Variants in ATIC observed in about 807,000 individuals in gnomAD.
The protein encoded by ATIC is bifunctional purine biosynthesis protein ATIC.
ATIC carries 64 observed loss-of-function variants against 72.5 expected under a neutral mutation model. The observed-to-expected ratio is 0.88, with a 90% CI of 0.72 to 1.09. The LOEUF is 1.09. Among genes scored for constraint, ATIC ranks in the 50% least tolerant of loss-of-function variants. ATIC has a pLI of 0.00. For synonymous variants in ATIC, 281 were observed against 267.1 expected (o/e 1.05, Z -0.51); for missense variants, 787 against 732.4 (o/e 1.07, Z -0.86).
the ATIC span, chr2:215,365,830 A>C: frequency 4.0e-6 from 1 of 253,016 alleles, no homozygotes; most frequent in East Asian, 8.8e-5. Flanking sequence ...TTTTGAGACA[A>C]AGTCTTTCTC....
At chr2:215,343,307 T>C (rs2053039437) in intron 12 of ATIC, among the ~76,000 whole-genome samples, 1 of 152,178 alleles carries the variant, frequency 6.6e-6, no homozygotes, top group Non-Finnish European at 1.5e-5. Flanking sequence ...CTTTTGCCCA[T>C]TTTCTAATTA....
At chr2:215,314,824 C>T (rs905247824) in intron 2 of ATIC, among the ~76,000 whole-genome samples, 5 of 152,114 alleles carry the variant, frequency 3.3e-5, no homozygotes, top group African/African-American at 9.7e-5. Context: ...AGGTGTGATC[C>T]TTTGCTCTCC....
chr2:215,312,177 A>G lies in ATIC; in HGVS notation c.19+16A>G. 1 of 1,502,462 alleles carries G rather than the reference A, an allele frequency of 6.7e-7. No homozygotes were observed. The highest frequency in any genetic ancestry group is 2.1e-5 in the Admixed American group (1 of 46,932). The allele number at this position is 1,502,462 out of a possible 1,614,324, so 93.1% of individuals were successfully genotyped here. A position where few individuals can be genotyped will look rare whatever the true frequency, so the allele number is the denominator to read the frequency against. On this transcript the variant is annotated intron_variant, in intron 1 of 15. Coordinates refer to ENST00000236959, the MANE Select transcript of ATIC (RefSeq NM_004044.7). ...GGCCAGCTCGGTGAGGCCCTAGCGG[A>G]GCGGCGCGGTCTGCGTCCTCGCCTG... is the stretch of plus-strand genomic sequence containing the variant.
In ATIC at chr2:215,345,203, G is replaced by T. The variant is rs188024065; in HGVS notation, c.1320+332G>T. Reference sequence around the variant, plus strand: ...CATTGGTATTATTTCCAGGGAAGAGGAGGTAAGTTACGGTACTGCCACCCA... The same window carrying T: ...CATTGGTATTATTTCCAGGGAAGAGTAGGTAAGTTACGGTACTGCCACCCA... On this transcript the variant is annotated intron_variant, in intron 13 of 15. Coordinates refer to ENST00000236959, the MANE Select transcript of ATIC (RefSeq NM_004044.7). The T allele has an allele frequency of 1.5e-3, 575 of 372,038 alleles. 2 individuals carry two copies. The highest frequency in any genetic ancestry group is 0.012 in the South Asian group (506 of 42,954). The allele number at this position is 372,038 out of a possible 1,614,324, so 23.0% of individuals were successfully genotyped here.
intron 4 of ATIC, among the ~76,000 whole-genome samples, chr2:215,322,868 G>A (rs999760650): frequency 2.0e-5 from 3 of 152,114 alleles, no homozygotes; most frequent in African/African-American, 7.2e-5. Flanking sequence ...TATTACTATA[G>A]GCTGGTAACA....
downstream of ATIC, among the ~76,000 whole-genome samples, chr2:215,354,284 C>G (rs1434301717): frequency 6.6e-6 from 1 of 152,168 alleles, no homozygotes; most frequent in African/African-American, 2.4e-5. Flanking sequence ...CCCGCCTCAG[C>G]CTCCCAAAGT....
chr2:215,349,390 G>T, intron 15 of ATIC, 141 bp downstream of exon 15: 1 of 1,555,084 alleles, frequency 6.4e-7, no homozygotes, highest in Non-Finnish European at 8.8e-7. Flanking sequence ...CTTCTCCATT[G>T]GGTGGATGGA....
chr2:215,356,861 G>T, the ATIC span, among the ~76,000 whole-genome samples: 53 of 152,268 alleles, frequency 3.5e-4, 1 homozygote, highest in South Asian at 0.01. Context: ...TTGTTTCCGT[G>T]TTTGGCTACT....
chr2:215,361,949 T>C, the ATIC span: 5 of 1,611,964 alleles, frequency 3.1e-6, no homozygotes, highest in South Asian at 3.3e-5. Context: ...GGAACACACT[T>C]GTGCTGCTAA....
chr2:215,345,522 G>C (rs1044969787), intron 13 of ATIC: 1 of 156,596 alleles, frequency 6.4e-6, no homozygotes, highest in African/African-American at 2.4e-5. Flanking sequence ...CCGAGCCTCA[G>C]AATACAAGAT....
chr2:215,326,036 A>G lies in ATIC; in HGVS notation c.429A>G (p.Thr143=). Residue 143 remains threonine (T), a synonymous_variant, in exon 6 of 16, where the codon ACA becomes ACG. Coordinates refer to ENST00000236959, the MANE Select transcript of ATIC (RefSeq NM_004044.7). ...CAGCCAAAAACCACGCTCGAGTGACAGTGGTGTGTGAACCAGAGGACTATG... is the reference window on the plus strand; with the variant it reads ...CAGCCAAAAACCACGCTCGAGTGACGGTGGTGTGTGAACCAGAGGACTATG... ...RAAAKNHARV[T]VVCEPEDYVV... is the part of the protein sequence containing the mutation. 6.2e-7 allele frequency: 1 copy of G among 1,613,992 alleles called. No homozygotes were observed. Among genetic ancestry groups the G allele is most frequent in the South Asian group, 1.1e-5 (1 of 91,078 alleles).
In ATIC at chr2:215,326,880, A is replaced by G. The variant is rs1281721280; in HGVS notation, c.590A>G (p.Tyr197Cys). Residue 197 changes from tyrosine (Y) to cysteine (C), a missense_variant, in exon 7 of 16, where the codon TAC (tyrosine) becomes TGC (cysteine). Physicochemically the swap from Tyr to Cys is radical, Grantham distance 194. Transcript: ENST00000236959. Reference protein sequence around the residue: ...EAISDYFRKQYSKGVSQMPLR... With the variant: ...EAISDYFRKQCSKGVSQMPLR... ...ATTTCAGATTATTTCAGGAAACAGTACAGCAAAGGCGTATCTCAGATGCCC... is the reference window on the plus strand; with the variant it reads ...ATTTCAGATTATTTCAGGAAACAGTGCAGCAAAGGCGTATCTCAGATGCCC... The G allele has an allele frequency of 1.9e-6, 3 of 1,614,162 alleles. No homozygotes were observed. The highest frequency in any genetic ancestry group is 1.6e-4 in the Middle Eastern group (1 of 6,062).
chr2:215,320,299 C>T (rs1166838437), intron 4 of ATIC, among the ~76,000 whole-genome samples: 1 of 152,174 alleles, frequency 6.6e-6, no homozygotes, highest in Non-Finnish European at 1.5e-5. Flanking sequence ...ATCAGTGGTT[C>T]ACAGAAGTTG....
At chr2:215,339,086 A>G (rs1470953844) in intron 12 of ATIC, among the ~76,000 whole-genome samples, 179 bp downstream of exon 12, 1 of 152,216 alleles carries the variant, frequency 6.6e-6, no homozygotes, top group African/African-American at 2.4e-5. Context: ...ATCAAAGGCC[A>G]TGTTAGAAGC....
At chr2:215,323,578 T>C (rs1247792818) in intron 4 of ATIC, among the ~76,000 whole-genome samples, 1 of 152,242 alleles carries the variant, frequency 6.6e-6, no homozygotes, top group Admixed American at 6.5e-5. Context: ...TTTGCTGAAC[T>C]CATTTATTAG....
chr2:215,349,296 G>C, intron 15 of ATIC, 47 bp downstream of exon 15: 1 of 1,612,116 alleles, frequency 6.2e-7, no homozygotes, highest in Non-Finnish European at 8.5e-7. Context: ...GCATTATGTA[G>C]AAACTGTTTC....
chr2:215,362,283 C>A, the ATIC span: 6 of 586,828 alleles, frequency 1.0e-5, no homozygotes, highest in Non-Finnish European at 1.2e-5. Context: ...ATACCTACAT[C>A]TGTCTCTCTA....
At chr2:215,365,375 TTAAGAA>T in the ATIC span, 18 of 1,005,722 alleles carry the variant, frequency 1.8e-5, no homozygotes, top group Non-Finnish European at 2.0e-5. Context: ...AATCAAAAGA[TTAAGAA>T]ACCCACTGTT....
At chr2:215,319,772 A>C in intron 4 of ATIC, 41 bp downstream of exon 4, 1 of 1,481,094 alleles carries the variant, frequency 6.8e-7, no homozygotes, top group Non-Finnish European at 9.4e-7. Context: ...TTACGAACCA[A>C]CGACAAAGAC....
Sources: allele counts gnomAD v4.1 joint callset (sites outside exome capture counted in the v4.1 genomes callset), GRCh38; gene constraint gnomAD v4.1.1; transcripts MANE v1.5; gene names NCBI Gene and HGNC (gene_info 2026-07-23, HGNC 2026-07-21).